The following TNN variants were observed in gnomAD, a reference collection of about 807,000 sequenced individuals.
The protein encoded by TNN is tenascin-N.
In TNN, 122 loss-of-function variants were observed where a neutral mutation model predicts 134.4. That is an observed-to-expected ratio of 0.91 (90% CI 0.78 to 1.06). The LOEUF (loss-of-function observed/expected upper bound fraction) is 1.06. TNN is among the 50% of genes least tolerant of loss of function. The pLI is 0.00. For missense variants in TNN, 1,739 were observed against 1,699.4 expected (o/e 1.02, Z -0.41); for synonymous variants, 710 against 670.3 (o/e 1.06, Z -0.91).
intron 1 of TNN, among the ~76,000 whole-genome samples, chr1:175,070,995 T>C (rs1673902205): frequency 6.6e-6 from 1 of 152,232 alleles, no homozygotes; most frequent in South Asian, 2.1e-4. Flanking sequence ...GATGCATCCC[T>C]AGCCACTCAT....
chr1:175,141,784 G>T (rs1455394011), intron 17 of TNN, among the ~76,000 whole-genome samples: 1 of 152,080 alleles, frequency 6.6e-6, no homozygotes, highest in Admixed American at 6.5e-5. Flanking sequence ...CTGAGTTTGG[G>T]CACAGACCTT....
intron 18 of TNN, among the ~76,000 whole-genome samples, chr1:175,144,988 G>C (rs1676028519): frequency 6.6e-6 from 1 of 152,286 alleles, no homozygotes; most frequent in African/African-American, 2.4e-5. Context: ...GGTTCTTGGT[G>C]GTGGACCTTG....
chr1:175,128,629 T>C lies in TNN; in HGVS notation c.3213T>C (p.Ser1071=). The change falls in exon 15 of 19, where the codon AGT becomes AGC. Residue 1071 remains serine (S), a synonymous_variant. Coordinates refer to ENST00000239462, the MANE Select transcript of TNN (RefSeq NM_022093.2). ...GARFPHPSDC[S]QVQQNSNAAS... ...GTTTCCCACACCCTTCGGACTGCAG[T>C]CAGGTTCAGCAGAACAGCAATGCCG... 2 of 1,613,554 alleles carry C rather than the reference T, an allele frequency of 1.2e-6. No individual in the cohort carries two copies. The highest frequency in any genetic ancestry group is 1.7e-6 in the Non-Finnish European group (2 of 1,179,758).
chr1:175,126,799 GC>G (rs1420208281), intron 12 of TNN, among the ~76,000 whole-genome samples, 155 bp from the exon 13 acceptor site: 1 of 152,168 alleles, frequency 6.6e-6, no homozygotes, highest in Non-Finnish European at 1.5e-5. Context: ...GGTCAGAAAG[GC>G]CCTGTGGCAG....
intron 4 of TNN, among the ~76,000 whole-genome samples, chr1:175,081,719 A>G (rs1674201284): frequency 6.6e-6 from 1 of 152,216 alleles, no homozygotes; most frequent in Non-Finnish European, 1.5e-5. Context: ...TTGTTCTAGC[A>G]TGGGTGACTG....
intron 17 of TNN, among the ~76,000 whole-genome samples, chr1:175,143,702 G>T (rs1194752909): frequency 6.6e-6 from 1 of 152,208 alleles, no homozygotes; most frequent in Non-Finnish European, 1.5e-5. Flanking sequence ...ATGGTGGGAT[G>T]CAAGACTGTG....
intron 17 of TNN, among the ~76,000 whole-genome samples, chr1:175,139,354 G>GT (rs922242391): frequency 1.1e-4 from 17 of 151,274 alleles, no homozygotes; most frequent in East Asian, 3.9e-4. Flanking sequence ...TATTCTGTAA[G>GT]TTTTTTTTTC....
chr1:175,076,892 G>A (rs1310869062), intron 1 of TNN, among the ~76,000 whole-genome samples: 2 of 152,188 alleles, frequency 1.3e-5, no homozygotes, highest in Non-Finnish European at 2.9e-5. Flanking sequence ...GGTCATCATA[G>A]TATATTCCAA....
At chr1:175,114,953 C>G (rs1675124421) in intron 9 of TNN, among the ~76,000 whole-genome samples, 1 of 152,070 alleles carries the variant, frequency 6.6e-6, no homozygotes, top group Admixed American at 6.5e-5. Context: ...CCAAAATAAT[C>G]AAGCACACTG....
Position 175,074,629 on chromosome 1 carries a change from CAGA to C in TNN, c.-35-2749_-35-2747del, listed in dbSNP as rs374342943. On this transcript the variant is annotated intron_variant, in intron 1 of 18. Transcript: ENST00000239462. Reference sequence around the variant, plus strand: ...CAGTGCCTGAAATGCAGTCAGTTCTCAGAAGAAGTGAGCTTTTATTATTATCAA... The same window carrying C: ...CAGTGCCTGAAATGCAGTCAGTTCTCAGAAGTGAGCTTTTATTATTATCAA... 3.8e-4 allele frequency among the ~76,000 whole-genome samples: 58 copies of C among 152,082 alleles called. No homozygotes were observed. In the East Asian group the frequency reaches 8.7e-3, roughly 23 times the overall value.
Position 175,077,575 on chromosome 1 carries a change from T to C in TNN, c.157T>C (p.Ser53Pro), listed in dbSNP as rs1558346949. The change falls in exon 2 of 19, where the codon TCT (serine) becomes CCT (proline). Residue 53 changes from serine to proline, a missense_variant. Coordinates refer to ENST00000239462, the MANE Select transcript of TNN (RefSeq NM_022093.2). ...CACCTACAAGATCGATGTGCCCAAGTCTGCCTTGGTTCAGGTTGACGCTGA... is the reference window on the plus strand; with the variant it reads ...CACCTACAAGATCGATGTGCCCAAGCCTGCCTTGGTTCAGGTTGACGCTGA... ...SHTYKIDVPKSALVQVDADPQ... is the reference protein window; with the variant it reads ...SHTYKIDVPKPALVQVDADPQ... The C allele has an allele frequency of 1.9e-6, 3 of 1,614,218 alleles. No individual in the cohort carries two copies. Among genetic ancestry groups the C allele is most frequent in the Admixed American group, 1.7e-5 (1 of 60,030 alleles).
intron 15 of TNN, among the ~76,000 whole-genome samples, chr1:175,129,600 T>C (rs923742140): frequency 6.6e-6 from 1 of 151,796 alleles, no homozygotes; most frequent in Non-Finnish European, 1.5e-5. Context: ...TCTGTACACA[T>C]GACCCTCACA....
rs377310021 is a variant in TNN, at chr1:175,117,060, C to T, written c.2241C>T (p.Asp747=). ...TGGTGCGCTACACCTCTGCCAAGGA[C>T]GGAGAGACCAGGGAGGTTCCGGTGG... ...RYVVRYTSAK[D]GETREVPVGK... The change falls in exon 10 of 19, where the codon GAC becomes GAT. Residue 747 remains aspartate (D), a synonymous_variant. Transcript: ENST00000239462. 123 of 1,614,090 alleles carry T rather than the reference C, an allele frequency of 7.6e-5. 1 individual carries two copies. Among genetic ancestry groups the T allele is most frequent in the Middle Eastern group, 6.6e-4 (4 of 6,084 alleles).
intron 1 of TNN, among the ~76,000 whole-genome samples, chr1:175,075,623 G>A (rs1455266665): frequency 6.6e-6 from 1 of 152,206 alleles, no homozygotes; most frequent in African/African-American, 2.4e-5. Flanking sequence ...CAGAACAGAT[G>A]AGGAAGAAAA....
intron 15 of TNN, among the ~76,000 whole-genome samples, chr1:175,132,601 G>A (rs1223220776): frequency 6.6e-6 from 1 of 152,224 alleles, no homozygotes; most frequent in African/African-American, 2.4e-5. Flanking sequence ...ACATTTTTAT[G>A]TGGTGTCTCA....
intron 15 of TNN, among the ~76,000 whole-genome samples, chr1:175,135,395 A>G (rs190980701): frequency 6.6e-6 from 1 of 152,316 alleles, no homozygotes; most frequent in East Asian, 1.9e-4. Flanking sequence ...TCGCTATATT[A>G]AGAATCAGGT....
At chr1:175,116,910 G>A (rs925186797) in intron 9 of TNN, 29 bp from the exon 10 acceptor site, 11 of 1,614,050 alleles carry the variant, frequency 6.8e-6, no homozygotes, top group African/African-American at 2.7e-5. Context: ...AGTTCATAGT[G>A]TTCATTGATC....
At chr1:175,074,237 C>T (rs1362172314) in intron 1 of TNN, among the ~76,000 whole-genome samples, 14 of 152,148 alleles carry the variant, frequency 9.2e-5, no homozygotes, top group Non-Finnish European at 2.9e-5. Context: ...AATCCTAGCA[C>T]TTTGGGGAGC....
chr1:175,100,230 T>C (rs994024958), intron 9 of TNN, among the ~76,000 whole-genome samples: 2 of 152,174 alleles, frequency 1.3e-5, no homozygotes, highest in African/African-American at 4.8e-5. Context: ...GCTGCAGAGG[T>C]CTATCTTGTG....
Sources: gnomAD v4.1 joint callset for allele counts (sites outside exome capture counted in the v4.1 genomes callset) on GRCh38, gnomAD v4.1.1 for gene constraint, MANE v1.5 for transcripts, NCBI Gene and HGNC (gene_info 2026-07-23, HGNC 2026-07-21) for gene names.